RASSF3: variants seen among roughly 807,000 people sequenced by gnomAD.
RASSF3 encodes the protein Ras association domain family member 3.
In RASSF3, 19 loss-of-function variants were observed where a neutral mutation model predicts 19.9. The ratio of observed to expected loss-of-function variants is 0.96; its 90% CI spans 0.67 to 1.40. The LOEUF is 1.40. Among genes scored for constraint, RASSF3 ranks in the 40% most tolerant of loss-of-function variants. RASSF3 has a pLI of 0.00. For synonymous variants in RASSF3, 110 were observed against 104.2 expected (o/e 1.06, Z -0.34); for missense variants, 306 against 289.8 (o/e 1.06, Z -0.41).
chr12:64,528,519 T>A (rs1013022193), upstream of RASSF3, among the ~76,000 whole-genome samples: 1 of 152,166 alleles, frequency 6.6e-6, no homozygotes, highest in African/African-American at 2.4e-5. Flanking sequence ...TTATTCCACA[T>A]CAACCTGCTG....
upstream of RASSF3, chr12:64,610,435 C>G (rs1318219395): frequency 5.5e-6 from 1 of 181,152 alleles, no homozygotes; most frequent in Non-Finnish European, 1.1e-5. Flanking sequence ...CGCGGGCGCA[C>G]CGGGGCCGAG....
At chr12:64,531,700 G>A (rs1202496213), upstream of RASSF3, among the ~76,000 whole-genome samples, 3 of 152,146 alleles carry the variant, frequency 2.0e-5, no homozygotes, top group Non-Finnish European at 4.4e-5. Context: ...TGATTCCACG[G>A]CCTCCCTCCT....
chr12:64,581,144 C>T (rs1361503283), intron 2 of RASSF3, among the ~76,000 whole-genome samples: 1 of 150,972 alleles, frequency 6.6e-6, no homozygotes, highest in East Asian at 1.9e-4. Flanking sequence ...AGCTTATAAA[C>T]ACTGATTTAA....
intron 1 of RASSF3, among the ~76,000 whole-genome samples, chr12:64,661,713 CAT>C (rs1334329928): frequency 8.1e-6 from 1 of 123,270 alleles, no homozygotes; most frequent in Non-Finnish European, 1.6e-5. Context: ...GACAGGGTCT[CAT>C]GTGTTGCTCA....
At chr12:64,552,336 G>A (rs11175448) in intron 2 of RASSF3, among the ~76,000 whole-genome samples, 51,904 of 151,804 alleles carry the variant, frequency 0.34, 10,658 homozygotes, top group East Asian at 0.66. Context: ...TGGGGTACAT[G>A]TGCAGGATGT....
intron 1 of RASSF3, among the ~76,000 whole-genome samples, chr12:64,518,380 A>G (rs915523834): frequency 1.3e-5 from 2 of 152,224 alleles, no homozygotes; most frequent in Non-Finnish European, 2.9e-5. Flanking sequence ...TGCTCCTGTG[A>G]AGGCCAGGAA....
intron 2 of RASSF3, among the ~76,000 whole-genome samples, chr12:64,553,306 T>C (rs906399653): frequency 1.3e-5 from 2 of 152,192 alleles, no homozygotes; most frequent in African/African-American, 4.8e-5. Flanking sequence ...CAAACAGCTA[T>C]ATGTCTAAGT....
intron 2 of RASSF3, among the ~76,000 whole-genome samples, chr12:64,569,555 T>G (rs1026585873): frequency 6.6e-5 from 10 of 152,264 alleles, no homozygotes; most frequent in African/African-American, 2.4e-4. Context: ...AGAGGTGATT[T>G]TTAGTTACAC....
At chr12:64,663,900 A>G (rs908396386) in intron 1 of RASSF3, among the ~76,000 whole-genome samples, 5 of 146,198 alleles carry the variant, frequency 3.4e-5, no homozygotes, top group Non-Finnish European at 5.9e-5. Context: ...CCAAAAGAGC[A>G]CAACAAAAAC....
At chr12:64,648,795 T>C (rs1871831100) in intron 1 of RASSF3, among the ~76,000 whole-genome samples, 1 of 122,990 alleles carries the variant, frequency 8.1e-6, no homozygotes, top group Non-Finnish European at 1.7e-5. Context: ...TTCTTGTTTT[T>C]ACATTGATTT....
chr12:64,560,064 T>C (rs1163887981), intron 2 of RASSF3, among the ~76,000 whole-genome samples: 1 of 152,190 alleles, frequency 6.6e-6, no homozygotes, highest in African/African-American at 2.4e-5. Flanking sequence ...AGCCAGCCTT[T>C]GAAAGTGGTA....
chr12:64,688,486 T>C, intron 3 of RASSF3, 33 bp downstream of exon 3: 1 of 1,430,496 alleles, frequency 7.0e-7, no homozygotes, highest in Non-Finnish European at 9.9e-7. Context: ...AAATGGTCTG[T>C]GCTTCTACTT....
chr12:64,532,192 T>C (rs914156153), upstream of RASSF3, among the ~76,000 whole-genome samples: 2 of 152,286 alleles, frequency 1.3e-5, no homozygotes, highest in South Asian at 2.1e-4. Flanking sequence ...TCAGGATGGA[T>C]TGCCGACTGC....
At chr12:64,565,821 T>G (rs1869420369) in intron 2 of RASSF3, among the ~76,000 whole-genome samples, 1 of 150,060 alleles carries the variant, frequency 6.7e-6, no homozygotes, top group Non-Finnish European at 1.5e-5. Flanking sequence ...AGGCGGAGGT[T>G]GCACTGAAGC....
At chr12:64,508,713 T>C (rs541058957) in intron 1 of RASSF3, among the ~76,000 whole-genome samples, 4 of 152,012 alleles carry the variant, frequency 2.6e-5, no homozygotes, top group Middle Eastern at 6.8e-3. Context: ...GGAGAAACCC[T>C]GTCTCTACTA....
At chr12:64,694,588 G>A (rs1172720253) in intron 4 of RASSF3, among the ~76,000 whole-genome samples, 175 bp from the exon 5 acceptor site, 1 of 152,136 alleles carries the variant, frequency 6.6e-6, no homozygotes, top group African/African-American at 2.4e-5. Context: ...TGAGGTGGGA[G>A]TGGGAGTGGA....
intron 1 of RASSF3, among the ~76,000 whole-genome samples, chr12:64,629,164 G>A (rs967651586): frequency 1.3e-5 from 2 of 150,982 alleles, no homozygotes; most frequent in African/African-American, 2.4e-5. Context: ...GTACAGTGGC[G>A]TGACTTTGGC....
At chr12:64,607,652 G>C (rs190575531), upstream of RASSF3, among the ~76,000 whole-genome samples, 35 of 152,218 alleles carry the variant, frequency 2.3e-4, no homozygotes, top group Non-Finnish European at 3.8e-4. Flanking sequence ...TGGCATTACA[G>C]GCGTGAGCCA....
intron 1 of RASSF3, 110 bp downstream of exon 1, chr12:64,610,853 G>T (rs1870329291): frequency 5.3e-6 from 3 of 565,078 alleles, no homozygotes; most frequent in African/African-American, 2.0e-5. Context: ...GGGGATGCTC[G>T]CCGGGAAGGA....
Sources: gnomAD v4.1 joint callset for allele counts (sites outside exome capture counted in the v4.1 genomes callset) on GRCh38, gnomAD v4.1.1 for gene constraint, MANE v1.5 for transcripts, NCBI Gene and HGNC (gene_info 2026-07-23, HGNC 2026-07-21) for gene names.